Variants in ICA1L observed in about 807,000 individuals in gnomAD.
ICA1L encodes islet cell autoantigen 1-like protein.
A neutral mutation model predicts 61.3 loss-of-function variants in ICA1L; 50 were observed. The observed-to-expected ratio is 0.82, with a 90% CI of 0.65 to 1.03. The LOEUF is 1.03. Ranked by LOEUF, ICA1L falls within the 50% of genes least tolerant of loss-of-function variation. The pLI is 0.00. For synonymous variants in ICA1L, 161 were observed against 191.3 expected, an observed-to-expected ratio of 0.84 and a Z score of 1.31; for missense variants, 508 against 556.7, an observed-to-expected ratio of 0.91 and a Z score of 0.88.
intron 1 of ICA1L, chr2:202,841,820 T>C (rs537628086): frequency 3.1e-6 from 1 of 317,896 alleles, no homozygotes; most frequent in Admixed American, 3.8e-5. Flanking sequence ...CTGAACCAGA[T>C]GGAGATCCCA....
intron 9 of ICA1L, among the ~76,000 whole-genome samples, chr2:202,810,837 A>T (rs1481728943): frequency 6.6e-6 from 1 of 152,146 alleles, no homozygotes; most frequent in East Asian, 1.9e-4. Context: ...TTATGGTCAT[A>T]GCTGTGGGAT....
chr2:202,851,010 CT>C lies in ICA1L; in HGVS notation c.-8+20608del, dbSNP rs201119733. On this transcript the variant is annotated intron_variant, in intron 1 of 12. Transcript: ENST00000358299. Reference sequence around the variant, plus strand: ...CAACATTCTTAAAGAAAATAATTTTCTTTTTTTTTTTTAATTATACTTTAAG... The same window carrying C: ...CAACATTCTTAAAGAAAATAATTTTCTTTTTTTTTTTAATTATACTTTAAG... 4.3e-3 allele frequency among the ~76,000 whole-genome samples: 622 copies of C among 144,708 alleles called. 25 individuals are homozygous for C. In the East Asian group the frequency reaches 0.088, roughly 20 times the overall value. 94.9% of individuals were successfully genotyped at this position (144,708 alleles called of 152,430 possible).
At chr2:202,840,970 C>T in intron 1 of ICA1L, 1 of 688,282 alleles carries the variant, frequency 1.5e-6, no homozygotes, top group East Asian at 3.4e-5. Context: ...CTGTGGTTGG[C>T]CATCTCCTCA....
At chr2:202,814,336 G>A (rs1467760913) in intron 8 of ICA1L, among the ~76,000 whole-genome samples, 1 of 152,092 alleles carries the variant, frequency 6.6e-6, no homozygotes, top group Non-Finnish European at 1.5e-5. Context: ...GAATGCTTCT[G>A]AATGGGTTGT....
chr2:202,789,152 G>A (rs1356346411), intron 10 of ICA1L, 65 bp from the exon 11 acceptor site: 1 of 1,302,880 alleles, frequency 7.7e-7, no homozygotes, highest in Non-Finnish European at 1.1e-6. Context: ...AAGACCATAG[G>A]ATGAATCAAA....
intron 1 of ICA1L, among the ~76,000 whole-genome samples, chr2:202,852,731 A>G (rs1694664196): frequency 1.3e-5 from 2 of 148,704 alleles, no homozygotes; most frequent in South Asian, 2.1e-4. Flanking sequence ...TCCAGCACCT[A>G]TTGTTTTCTG....
intron 9 of ICA1L, among the ~76,000 whole-genome samples, chr2:202,805,399 T>C (rs72932753): frequency 0.092 from 13,982 of 152,154 alleles, 761 homozygotes; most frequent in Non-Finnish European, 0.13. Flanking sequence ...TTGTAAGATA[T>C]AGGAAAATTA....
At chr2:202,869,155 C>G (rs966457127) in intron 1 of ICA1L, among the ~76,000 whole-genome samples, 1 of 151,732 alleles carries the variant, frequency 6.6e-6, no homozygotes, top group Admixed American at 6.6e-5. Context: ...GTCAGGAGAT[C>G]GAGACCATCC....
intron 1 of ICA1L, among the ~76,000 whole-genome samples, chr2:202,832,372 G>A (rs753048780): frequency 1.3e-5 from 2 of 149,736 alleles, no homozygotes; most frequent in African/African-American, 2.5e-5. Flanking sequence ...GCTTGAACCC[G>A]GAAGGCGGAG....
At chr2:202,831,975 G>C (rs1574362722) in intron 1 of ICA1L, among the ~76,000 whole-genome samples, 1 of 152,060 alleles carries the variant, frequency 6.6e-6, no homozygotes, top group African/African-American at 2.4e-5. Context: ...CCCAAAATTT[G>C]TGTATAAAGT....
intron 9 of ICA1L, among the ~76,000 whole-genome samples, chr2:202,797,671 G>A (rs1336048643): frequency 5.3e-5 from 8 of 151,932 alleles, no homozygotes; most frequent in East Asian, 1.9e-4. Context: ...ACAGGCATGC[G>A]CCACCACACC....
In ICA1L at chr2:202,829,141, G is replaced by A. The variant is rs191313706; in HGVS notation, c.-7-125C>T. On this transcript the variant is annotated intron_variant, in intron 1 of 12. Coordinates refer to ENST00000358299, the MANE Select transcript of ICA1L (RefSeq NM_001288622.3). ...AGGCGAGCGGATCACGCGGTCATGA[G>A]ATCGAGACCATCCTGGCTAACACGG... 2.4e-5 allele frequency: 15 copies of A among 622,720 alleles called. No individual in the cohort carries two copies. In the East Asian group the frequency reaches 3.9e-4, roughly 16 times the overall value. The allele number at this position is 622,720 out of a possible 1,614,324, so 38.6% of individuals were successfully genotyped here. A position where few individuals can be genotyped will look rare whatever the true frequency, so the allele number is the denominator to read the frequency against.
In ICA1L at chr2:202,788,869, G is replaced by T; in HGVS notation, c.1204C>A (p.Leu402Ile). The T allele has an allele frequency of 6.2e-7, 1 of 1,614,132 alleles. No individual in the cohort carries two copies. Among genetic ancestry groups the T allele is most frequent in the Non-Finnish European group, 8.5e-7 (1 of 1,180,006 alleles). Residue 402 changes from leucine (L) to isoleucine (I), a missense_variant, in exon 11 of 13, where the codon CTC becomes ATC. Transcript: ENST00000358299. ...AHSSRFLPSQ[L>I]FDLGFHVAGA... The stretch of plus-strand genomic sequence containing the variant: ...GCCACATGAAAGCCAAGGTCAAAGA[G>T]TTGTGAAGGAAGGAATCGAGAAGAA...
Position 202,858,218 on chromosome 2 carries a change from C to G in ICA1L, c.-8+13401G>C, listed in dbSNP as rs1386471095. On this transcript the variant is annotated intron_variant, in intron 1 of 12. Transcript: ENST00000358299. ...TACAATAGCAAAGACTTAGAACCAA[C>G]CCAAATGCCCATCAATGATAGACTG... is the stretch of plus-strand genomic sequence containing the variant. Among the ~76,000 whole-genome samples the G allele has an allele frequency of 2.0e-5, 3 of 152,168 alleles. No individual in the cohort carries two copies. In the East Asian group the frequency reaches 5.8e-4, roughly 29 times the overall value.
intron 1 of ICA1L, among the ~76,000 whole-genome samples, chr2:202,853,824 T>A (rs539631622): frequency 1.3e-5 from 2 of 152,192 alleles, no homozygotes; most frequent in East Asian, 3.9e-4. Flanking sequence ...ATAAAATCCT[T>A]TACAGACAAG....
chr2:202,811,484 C>G (rs1316069854), intron 9 of ICA1L, among the ~76,000 whole-genome samples: 1 of 151,586 alleles, frequency 6.6e-6, no homozygotes, highest in Non-Finnish European at 1.5e-5. Flanking sequence ...ACAGTGAAAC[C>G]CTGTCTCTAC....
At position 202,779,638 on chromosome 2, in the gene ICA1L, A is replaced by ATTGT. The variant is rs777292807; in HGVS notation, c.1340_1343dup (p.Asn448LysfsTer31). 5.6e-6 allele frequency: 9 copies of ATTGT among 1,605,680 alleles called. No homozygotes were observed. In the African/African-American group the frequency reaches 9.4e-5, roughly 17 times the overall value. On this transcript the variant is annotated frameshift_variant, in exon 13 of 13. Transcript: ENST00000358299. LOFTEE classifies it high-confidence loss of function. The stretch of plus-strand genomic sequence containing the variant: ...ACCAGGCTGACATGTCTTGGTTGCC[A>ATTGT]TTGTTGGGGGCTATTAAAAAAGAAA...
chr2:202,785,070 T>A (rs1414628670), intron 12 of ICA1L, among the ~76,000 whole-genome samples: 4 of 151,558 alleles, frequency 2.6e-5, no homozygotes, highest in African/African-American at 7.3e-5. Context: ...ATACAAAAAA[T>A]TAACTGGGCA....
chr2:202,852,494 C>A lies in ICA1L; in HGVS notation c.-8+19125G>T, dbSNP rs1446398060. On this transcript the variant is annotated intron_variant, in intron 1 of 12. Transcript: ENST00000358299. ...GACCATCCTGGCTAACATGGTGAAA[C>A]CCTGTCTCTACTAAAAACACAAAAA... 5.9e-5 allele frequency among the ~76,000 whole-genome samples: 9 copies of A among 151,544 alleles called. No individual in the cohort carries two copies. In the South Asian group the frequency reaches 1.5e-3, roughly 25 times the overall value.
Sources: gnomAD v4.1 joint callset for allele counts (sites outside exome capture counted in the v4.1 genomes callset) on GRCh38, gnomAD v4.1.1 for gene constraint, MANE v1.5 for transcripts, NCBI Gene and HGNC (gene_info 2026-07-23, HGNC 2026-07-21) for gene names.